Variants in CDC20B observed in about 807,000 individuals in gnomAD.
CDC20B encodes cell division cycle protein 20 homolog B.
A neutral mutation model predicts 64.1 loss-of-function variants in CDC20B; 58 were observed. The ratio of observed to expected loss-of-function variants is 0.90; its 90% confidence interval spans 0.73 to 1.13. The LOEUF is 1.13. Among genes scored for constraint, CDC20B ranks in the 50% most tolerant of loss-of-function variants. The pLI, the probability that CDC20B is intolerant of heterozygous loss-of-function variation, is 0.00. For synonymous variants in CDC20B, 243 were observed against 230.6 expected (o/e 1.05, Z -0.49); for missense variants, 597 against 633.0 (o/e 0.94, Z 0.61).
intron 5 of CDC20B, chr5:55,137,659 G>A (rs1351275220): frequency 8.8e-6 from 4 of 456,682 alleles, no homozygotes; most frequent in East Asian, 6.9e-5. Context: ...GAGAGACATA[G>A]GTAAGTCAAG....
In CDC20B at chr5:55,120,413, G is replaced by A. The variant is rs147833348; in HGVS notation, c.1341+12C>T. On this transcript the variant is annotated intron_variant, in intron 10 of 11. Transcript: ENST00000381375. ...GATCAAAATGAAGATGAAGCCCAGA[G>A]GAGATATTAACCTGTGAGTTTGTGC... 5.1e-5 allele frequency: 83 copies of A among 1,613,350 alleles called. No individual in the cohort carries two copies. In the East Asian group the frequency reaches 1.8e-3, roughly 35 times the overall value.
At chr5:55,157,577 A>C (rs184462078) in intron 2 of CDC20B, among the ~76,000 whole-genome samples, 1 of 152,366 alleles carries the variant, frequency 6.6e-6, no homozygotes, top group African/African-American at 2.4e-5. Flanking sequence ...GTATTCATAT[A>C]ATATGGAATT....
intron 2 of CDC20B, chr5:55,165,912 G>A (rs771661014): frequency 4.6e-5 from 7 of 152,230 alleles, no homozygotes; most frequent in Non-Finnish European, 1.0e-4. Flanking sequence ...TGACCAGGAA[G>A]GAAATCAGAA....
At chr5:55,139,212 C>T (rs1305486192) in intron 5 of CDC20B, among the ~76,000 whole-genome samples, 1 of 151,890 alleles carries the variant, frequency 6.6e-6, no homozygotes, top group Admixed American at 6.6e-5. Flanking sequence ...AACCATAAAG[C>T]AATATTGTCA....
In CDC20B at chr5:55,164,360, C is replaced by G. The variant is rs1314912659; in HGVS notation, c.126+8228G>C. The G allele has an allele frequency of 1.1e-5, 5 of 455,620 alleles. No individual in the cohort carries two copies. In the East Asian group the frequency reaches 1.8e-4, roughly 16 times the overall value. The allele number at this position is 455,620 out of a possible 1,614,324, so 28.2% of individuals were successfully genotyped here. A position where few individuals can be genotyped will look rare whatever the true frequency, so the allele number is the denominator to read the frequency against. On this transcript the variant is annotated intron_variant, in intron 2 of 11. Transcript: ENST00000381375. The stretch of plus-strand genomic sequence containing the variant: ...TAGTGCGTTCTCAGCTCATTGCAAC[C>G]TCTGCCTTTTTAAACATGCTATTAA...
At chr5:55,132,979 T>TC (rs1296745414) in intron 6 of CDC20B, among the ~76,000 whole-genome samples, 11 of 152,174 alleles carry the variant, frequency 7.2e-5, no homozygotes, top group Non-Finnish European at 1.0e-4. Flanking sequence ...TCTTTATAGC[T>TC]CCTTATATCC....
intron 2 of CDC20B, among the ~76,000 whole-genome samples, chr5:55,147,178 TTATATATTTATATATTATATAAACATAAA>T: frequency 8.6e-6 from 1 of 115,686 alleles, no homozygotes; most frequent in Admixed American, 1.0e-4. Context: ...ATATGTTGTT[TTATATATTTATATATTATATAAACATAAA>T]TATGTTATGT....
chr5:55,160,184 T>C, intron 2 of CDC20B: 1 of 1,610,092 alleles, frequency 6.2e-7, no homozygotes, highest in Non-Finnish European at 8.5e-7. Flanking sequence ...CCCTCTAGAA[T>C]CCTCCAACAT....
intron 2 of CDC20B, chr5:55,172,316 G>T: frequency 2.7e-6 from 1 of 372,322 alleles, no homozygotes; most frequent in Non-Finnish European, 4.9e-6. Context: ...ATCATTAACA[G>T]CCGCTAGCAA....
At chr5:55,165,497 A>C (rs1284974940) in intron 2 of CDC20B, 1 of 152,232 alleles carries the variant, frequency 6.6e-6, no homozygotes, top group Non-Finnish European at 1.5e-5. Flanking sequence ...TGATGGATGA[A>C]AGTGAAGATG....
intron 4 of CDC20B, 49 bp from the exon 5 acceptor site, chr5:55,140,456 TA>T: frequency 7.9e-7 from 1 of 1,260,284 alleles, no homozygotes; most frequent in Non-Finnish European, 1.2e-6. Flanking sequence ...AACATACATG[TA>T]CAACTAAAAT....
At chr5:55,162,169 G>A (rs1312006888) in intron 2 of CDC20B, among the ~76,000 whole-genome samples, 1 of 151,292 alleles carries the variant, frequency 6.6e-6, no homozygotes, top group Non-Finnish European at 1.5e-5. Context: ...GCCGAGGCAG[G>A]CAGATCACTT....
chr5:55,129,185 CCTGA>C (rs1742967891), intron 6 of CDC20B, among the ~76,000 whole-genome samples: 2 of 152,118 alleles, frequency 1.3e-5, no homozygotes, highest in African/African-American at 4.8e-5. Flanking sequence ...GTCAGAAACT[CCTGA>C]CTGACACGTA....
chr5:55,145,154 G>A (rs1459328725), intron 3 of CDC20B, among the ~76,000 whole-genome samples: 3 of 152,152 alleles, frequency 2.0e-5, no homozygotes, highest in Non-Finnish European at 4.4e-5. Context: ...CATCAAAACT[G>A]TCCCTCAATT....
intron 11 of CDC20B, among the ~76,000 whole-genome samples, chr5:55,115,058 T>C (rs1742591262): frequency 6.6e-6 from 1 of 152,102 alleles, no homozygotes. Context: ...TATCCCAGCC[T>C]TCCCCCAGAA....
Position 55,147,136 on chromosome 5 carries a change from G to T in CDC20B, c.127-280C>A, listed in dbSNP as rs534231721. Among the ~76,000 whole-genome samples the T allele has an allele frequency of 2.6e-3, 355 of 135,426 alleles. 9 individuals are homozygous for T. In the East Asian group the frequency reaches 0.043, roughly 16 times the overall value. The allele number at this position is 135,426 out of a possible 152,430, so 88.8% of individuals were successfully genotyped here. A position where few individuals can be genotyped will look rare whatever the true frequency, so the allele number is the denominator to read the frequency against. On this transcript the variant is annotated intron_variant, in intron 2 of 11. Coordinates refer to ENST00000381375, the MANE Select transcript of CDC20B (RefSeq NM_001170402.1). ...TATATTATATAAACATAAATATGTT[G>T]TTTTATATATTTATATATTATATAA... is the stretch of plus-strand genomic sequence containing the variant.
intron 2 of CDC20B, among the ~76,000 whole-genome samples, chr5:55,150,308 G>A (rs1057209116): frequency 4.6e-5 from 7 of 152,198 alleles, no homozygotes; most frequent in Admixed American, 4.6e-4. Context: ...TTCCAATACA[G>A]TCCTACTTCC....
chr5:55,153,216 G>C (rs1222148568), intron 2 of CDC20B, among the ~76,000 whole-genome samples: 43 of 139,900 alleles, frequency 3.1e-4, no homozygotes, highest in African/African-American at 1.2e-3. Context: ...TCCAACCTGG[G>C]CGATATAGCC....
rs769044384 is a variant in CDC20B at position 55,172,572 on chromosome 5, C to A, written c.126+16G>T. ...TCAGAATTAAAACAGAGAACAAGAA[C>A]AAGCCCTGGACTCACGTTGGCGGAA... On this transcript the variant is annotated intron_variant, in intron 2 of 11. Transcript: ENST00000381375. The A allele has an allele frequency of 6.3e-7, 1 of 1,599,502 alleles. No individual in the cohort carries two copies. Among genetic ancestry groups the A allele is most frequent in the Non-Finnish European group, 8.6e-7 (1 of 1,166,900 alleles).
Sources: gnomAD v4.1 joint callset for allele counts (sites outside exome capture counted in the v4.1 genomes callset) on GRCh38, gnomAD v4.1.1 for gene constraint, MANE v1.5 for transcripts, NCBI Gene and HGNC (gene_info 2026-07-23, HGNC 2026-07-21) for gene names.